Variants in PCDHA7 observed in about 807,000 individuals in gnomAD.
The protein encoded by PCDHA7 is protocadherin alpha 7.
A neutral mutation model predicts 57.2 loss-of-function variants in PCDHA7; 37 were observed. That is an observed-to-expected ratio of 0.65 (90% CI 0.50 to 0.85). PCDHA7 has a LOEUF of 0.85. Ranked by LOEUF, PCDHA7 falls within the 40% of genes least tolerant of loss-of-function variation. The pLI, the probability that PCDHA7 is intolerant of heterozygous loss-of-function variation, is 0.00. For missense variants in PCDHA7, 1,188 were observed against 1,241.8 expected, an observed-to-expected ratio of 0.96 and a Z score of 0.65; for synonymous variants, 553 against 558.8, an observed-to-expected ratio of 0.99 and a Z score of 0.15.
At chr5:140,955,823 T>C (rs1189753862) in intron 1 of PCDHA7, among the ~76,000 whole-genome samples, 1 of 152,208 alleles carries the variant, frequency 6.6e-6, no homozygotes, top group African/African-American at 2.4e-5. Flanking sequence ...GTGATTTCCT[T>C]GAGCAGTGGT....
intron 1 of PCDHA7, among the ~76,000 whole-genome samples, chr5:140,975,842 T>C (rs1291239014): frequency 1.3e-5 from 2 of 152,210 alleles, no homozygotes; most frequent in Non-Finnish European, 2.9e-5. Context: ...TATTCTTCAG[T>C]AATACTACAT....
In PCDHA7 at chr5:140,975,255, C is replaced by A. The variant is rs530385456; in HGVS notation, c.2356-3694C>A. On this transcript the variant is annotated intron_variant, in intron 1 of 3. Transcript: ENST00000525929. ...ATGGAATCCCTCTTATGCTTCAGAT[C>A]TCTCTGATTTCTGTCTCTGACCTCT... Among the ~76,000 whole-genome samples, 6 of 152,334 alleles carry A rather than the reference C, an allele frequency of 3.9e-5. No individual in the cohort carries two copies. In the South Asian group the frequency reaches 1.2e-3, roughly 32 times the overall value.
At chr5:140,842,700 A>G in intron 1 of PCDHA7, 1 of 1,595,270 alleles carries the variant, frequency 6.3e-7, no homozygotes, top group Non-Finnish European at 8.6e-7. Flanking sequence ...CAGCCCGAGT[A>G]CACGGTGTTC....
intron 1 of PCDHA7, among the ~76,000 whole-genome samples, chr5:140,922,795 G>C (rs1393016233): frequency 7.9e-5 from 12 of 152,152 alleles, no homozygotes; most frequent in African/African-American, 2.9e-4. Context: ...TGTAGCTTTG[G>C]AATACAGAAA....
At chr5:140,950,082 A>G (rs2094448240) in intron 1 of PCDHA7, among the ~76,000 whole-genome samples, 1 of 151,916 alleles carries the variant, frequency 6.6e-6, no homozygotes, top group South Asian at 2.1e-4. Flanking sequence ...TGCTTATGCT[A>G]TAGTTTTCAT....
chr5:140,915,374 G>A (rs1310466402), intron 1 of PCDHA7, among the ~76,000 whole-genome samples: 3 of 152,016 alleles, frequency 2.0e-5, no homozygotes, highest in Non-Finnish European at 4.4e-5. Flanking sequence ...TAAGTGTCTC[G>A]GCATTGAAGA....
At chr5:140,953,408 TG>T (rs782455726) in intron 1 of PCDHA7, among the ~76,000 whole-genome samples, 5 of 152,168 alleles carry the variant, frequency 3.3e-5, no homozygotes, top group Non-Finnish European at 5.9e-5. Context: ...CTGTTGCTCC[TG>T]GCTCCTCCCC....
chr5:140,968,553 G>C (rs782583876), intron 1 of PCDHA7: 4 of 1,614,132 alleles, frequency 2.5e-6, no homozygotes, highest in South Asian at 1.1e-5. Context: ...ATGGTGCCTC[G>C]AACTGCCCCT....
intron 1 of PCDHA7, chr5:140,850,881 A>G (rs2041865232): frequency 1.3e-6 from 2 of 1,586,312 alleles, no homozygotes; most frequent in African/African-American, 1.4e-5. Context: ...CTCAGATTCA[A>G]CTGGGAAGGT....
chr5:140,870,096 T>C, intron 1 of PCDHA7: 1 of 1,613,854 alleles, frequency 6.2e-7, no homozygotes, highest in Non-Finnish European at 8.5e-7. Context: ...CAATGGCAGG[T>C]CACTGTACAG....
intron 1 of PCDHA7, among the ~76,000 whole-genome samples, chr5:140,959,960 T>C (rs1236536895): frequency 6.6e-6 from 1 of 152,124 alleles, no homozygotes; most frequent in Non-Finnish European, 1.5e-5. Context: ...AGGTAGGAGG[T>C]AGATGTTACT....
intron 1 of PCDHA7, among the ~76,000 whole-genome samples, chr5:140,894,553 T>G (rs2064537673): frequency 6.6e-6 from 1 of 152,008 alleles, no homozygotes; most frequent in South Asian, 2.1e-4. Flanking sequence ...TGTTTACTTC[T>G]GAAAAAATTA....
chr5:140,904,873 G>C (rs1309196167), intron 1 of PCDHA7, among the ~76,000 whole-genome samples: 1 of 151,932 alleles, frequency 6.6e-6, no homozygotes, highest in Non-Finnish European at 1.5e-5. Flanking sequence ...TATGTCCTTA[G>C]CTCACTTTTT....
At chr5:140,881,559 C>A (rs1293330721) in intron 1 of PCDHA7, among the ~76,000 whole-genome samples, 1 of 152,174 alleles carries the variant, frequency 6.6e-6, no homozygotes, top group East Asian at 1.9e-4. Context: ...ATATAAATAT[C>A]TTATCTACAT....
intron 1 of PCDHA7, chr5:140,877,122 G>C: frequency 2.5e-6 from 4 of 1,613,718 alleles, no homozygotes; most frequent in Non-Finnish European, 3.4e-6. Context: ...GCAACGTGAC[G>C]CTGCAGGTGT....
Position 140,926,904 on chromosome 5 carries a change from T to G in PCDHA7, c.2356-52045T>G, listed in dbSNP as rs150445810. Reference sequence around the variant, plus strand: ...CGCCTAGAGGGAGGATGGTGGGCTGTGGGGTGGCAGTTTTATGTTTGTGGG... The same window carrying G: ...CGCCTAGAGGGAGGATGGTGGGCTGGGGGGTGGCAGTTTTATGTTTGTGGG... On this transcript the variant is annotated intron_variant, in intron 1 of 3. Transcript: ENST00000525929. 5,017 of 1,557,626 alleles carry G rather than the reference T, an allele frequency of 3.2e-3. 25 individuals carry two copies. Among genetic ancestry groups the G allele is most frequent in the African/African-American group, 0.019 (1,427 of 73,544 alleles).
intron 3 of PCDHA7, among the ~76,000 whole-genome samples, chr5:140,993,888 G>A (rs1196429613): frequency 6.6e-6 from 1 of 152,140 alleles, no homozygotes; most frequent in African/African-American, 2.4e-5. Flanking sequence ...GCTCTATGAT[G>A]TCCATACAAC....
intron 1 of PCDHA7, among the ~76,000 whole-genome samples, chr5:140,888,383 C>T (rs1279773489): frequency 3.9e-5 from 6 of 152,170 alleles, no homozygotes; most frequent in African/African-American, 1.4e-4. Flanking sequence ...CTCTGAGATG[C>T]TGCTAAACAC....
intron 1 of PCDHA7, chr5:140,860,808 G>GCTCA (rs2153220670): frequency 6.6e-6 from 1 of 152,328 alleles, no homozygotes. Context: ...CACGATCTCG[G>GCTCA]CTCACTGCAA....
Sources: gnomAD v4.1 joint callset for allele counts (sites outside exome capture counted in the v4.1 genomes callset) on GRCh38, gnomAD v4.1.1 for gene constraint, MANE v1.5 for transcripts, NCBI Gene and HGNC (gene_info 2026-07-23, HGNC 2026-07-21) for gene names.